The following FER variants were observed in gnomAD, a reference collection of about 807,000 sequenced individuals.
FER encodes the protein FER tyrosine kinase, also known as tyrosine-protein kinase Fer.
In FER, 63 loss-of-function variants were observed where a neutral mutation model predicts 111.0. The observed-to-expected ratio is 0.57, with a 90% CI of 0.46 to 0.70. FER has a LOEUF of 0.70. FER is among the 30% of genes least tolerant of loss of function. The pLI, the probability that FER is intolerant of heterozygous loss-of-function variation, is 0.00. For synonymous variants in FER, 327 were observed against 313.9 expected (o/e 1.04, Z -0.44); for missense variants, 914 against 954.0 (o/e 0.96, Z 0.55).
At chr5:109,131,364 G>A (rs1397045784) in intron 17 of FER, among the ~76,000 whole-genome samples, 2 of 152,092 alleles carry the variant, frequency 1.3e-5, no homozygotes, top group African/African-American at 4.8e-5. Context: ...TTTTACAGCT[G>A]TTGAGTTCTT....
At chr5:108,786,233 A>T (rs148804088) in intron 2 of FER, among the ~76,000 whole-genome samples, 2 of 152,064 alleles carry the variant, frequency 1.3e-5, no homozygotes, top group Non-Finnish European at 2.9e-5. Flanking sequence ...TGTCCTCCCT[A>T]TGTTTTCTAA....
At chr5:109,046,425 A>G (rs1771982390) in intron 15 of FER, among the ~76,000 whole-genome samples, 1 of 152,162 alleles carries the variant, frequency 6.6e-6, no homozygotes, top group Non-Finnish European at 1.5e-5. Flanking sequence ...CTTTTGTGGT[A>G]GTGGCTAAAA....
chr5:109,037,707 T>C (rs1431687002), intron 14 of FER, among the ~76,000 whole-genome samples: 2 of 152,062 alleles, frequency 1.3e-5, no homozygotes, highest in Non-Finnish European at 2.9e-5. Context: ...ATTATATGTG[T>C]GTTTTCCCCT....
chr5:109,031,485 CA>C (rs1390489902), intron 13 of FER, among the ~76,000 whole-genome samples: 1 of 151,984 alleles, frequency 6.6e-6, no homozygotes, highest in Non-Finnish European at 1.5e-5. Flanking sequence ...CAAATGCTCA[CA>C]TTTTTAAAAA....
chr5:108,781,633 C>G (rs1754088208), intron 2 of FER, among the ~76,000 whole-genome samples: 1 of 152,174 alleles, frequency 6.6e-6, no homozygotes, highest in South Asian at 2.1e-4. Flanking sequence ...ATTCTACAGT[C>G]CAATGATTAT....
chr5:108,857,181 T>C (rs1763088392), intron 5 of FER, among the ~76,000 whole-genome samples: 1 of 152,142 alleles, frequency 6.6e-6, no homozygotes, highest in Admixed American at 6.5e-5. Context: ...TGTGTAAATA[T>C]AAAAACGTAA....
chr5:109,006,397 T>C (rs1195699493), intron 13 of FER, among the ~76,000 whole-genome samples: 1 of 152,190 alleles, frequency 6.6e-6, no homozygotes, highest in Non-Finnish European at 1.5e-5. Context: ...GGAGTTCCTC[T>C]GCAAGTGTTC....
At chr5:108,761,643 A>T (rs1386221027) in intron 1 of FER, among the ~76,000 whole-genome samples, 4 of 152,220 alleles carry the variant, frequency 2.6e-5, no homozygotes, top group African/African-American at 9.6e-5. Context: ...AAATGGTGCC[A>T]ATAGAGTTGC....
Position 108,786,190 on chromosome 5 carries a change from A to G in FER, c.-59-11934A>G, listed in dbSNP as rs181279811. On this transcript the variant is annotated intron_variant, in intron 2 of 19. Coordinates refer to ENST00000281092, the MANE Select transcript of FER (RefSeq NM_005246.4). ...GGACTTAAATTTCATTCACCAGTTC[A>G]TCATAGAGTTCTGGAAAATTGTAAG... 1.9e-3 allele frequency among the ~76,000 whole-genome samples: 287 copies of G among 152,358 alleles called. 1 individual carries two copies. The highest frequency in any genetic ancestry group is 3.4e-3 in the Middle Eastern group (1 of 294).
chr5:108,972,263 C>A (rs6872299), intron 13 of FER, among the ~76,000 whole-genome samples: 39,167 of 151,502 alleles, frequency 0.26, 5,532 homozygotes, highest in African/African-American at 0.38. Context: ...AGTCTGTGAG[C>A]AGTAGGAGTG....
intron 17 of FER, among the ~76,000 whole-genome samples, chr5:109,121,150 G>T (rs952342726): frequency 2.0e-5 from 3 of 152,034 alleles, no homozygotes; most frequent in Admixed American, 6.6e-5. Context: ...ACTAATGAAA[G>T]TGGGCATCCT....
At chr5:108,841,971 C>T (rs1290654549) in intron 5 of FER, 1 of 167,772 alleles carries the variant, frequency 6.0e-6, no homozygotes, top group Non-Finnish European at 1.3e-5. Context: ...ATGAGATAAC[C>T]TGAGAAATTT....
At chr5:109,088,585 C>A (rs1160608909) in intron 16 of FER, among the ~76,000 whole-genome samples, 1 of 151,892 alleles carries the variant, frequency 6.6e-6, no homozygotes, top group African/African-American at 2.4e-5. Context: ...TGCAAAGATA[C>A]AAAGATGAAA....
At chr5:108,819,306 G>A (rs1758600548) in intron 3 of FER, among the ~76,000 whole-genome samples, 1 of 151,792 alleles carries the variant, frequency 6.6e-6, no homozygotes, top group Admixed American at 6.6e-5. Context: ...GGGATTATAG[G>A]CATGTCCCAC....
chr5:108,894,365 T>C (rs1748703630), intron 9 of FER: 2 of 984,120 alleles, frequency 2.0e-6, no homozygotes, highest in African/African-American at 1.7e-5. Context: ...GCTGCAAGGG[T>C]TCCTTCCTTG....
intron 5 of FER, among the ~76,000 whole-genome samples, chr5:108,844,043 TATA>T (rs1761562088): frequency 3.9e-5 from 4 of 101,346 alleles, no homozygotes; most frequent in Admixed American, 3.7e-4. Context: ...TGTGTGAACA[TATA>T]TATGTGTGTG....
At chr5:108,894,424 T>G in intron 9 of FER, 1 of 599,554 alleles carries the variant, frequency 1.7e-6, no homozygotes, top group South Asian at 2.6e-5. Flanking sequence ...GGCAACTGCA[T>G]GTATCGGACC....
chr5:108,871,460 T>C lies in FER; in HGVS notation c.761T>C (p.Ile254Thr). The part of the protein sequence containing the change: ...HKEIQMSVEQ[I>T]DPSTEYNNFI... ...GAGATTCAAATGTCGGTTGAACAGA[T>C]AGATCCTAGTACAGAATACAATAAT... Residue 254 changes from isoleucine to threonine, a missense_variant, in exon 7 of 20, where the codon ATA becomes ACA. By Grantham distance (89) the Ile-to-Thr change is moderately conservative. This residue lies in a region of FER where 774 missense variants were observed against 782.6 expected (regional missense o/e 0.99). Coordinates refer to ENST00000281092, the MANE Select transcript of FER (RefSeq NM_005246.4). The C allele has an allele frequency of 6.2e-7, 1 of 1,611,518 alleles. No individual in the cohort carries two copies.
In FER at chr5:108,785,846, C is replaced by T. The variant is rs1754658832; in HGVS notation, c.-59-12278C>T. On this transcript the variant is annotated intron_variant, in intron 2 of 19. Coordinates refer to ENST00000281092, the MANE Select transcript of FER (RefSeq NM_005246.4). ...TCACTTGGGTGAGGTAGGCGTAAGT[C>T]ATCCTGCCTCTGTGCTGTTCTTCTT... Among the ~76,000 whole-genome samples the T allele has an allele frequency of 3.9e-5, 6 of 152,196 alleles. No individual in the cohort carries two copies. The South Asian group carries it at 1.2e-3, about 32-fold the overall frequency.
Sources: allele counts gnomAD v4.1 joint callset (sites outside exome capture counted in the v4.1 genomes callset), GRCh38; gene constraint gnomAD v4.1.1; regional missense constraint gnomAD v4.1.1; transcripts MANE v1.5; gene names NCBI Gene and HGNC (gene_info 2026-07-23, HGNC 2026-07-21).